Variants in TMOD3 observed in about 807,000 individuals in gnomAD.
TMOD3 encodes the protein tropomodulin-3.
Under a neutral mutation model 39.2 loss-of-function variants are expected in TMOD3, and 20 were observed. The ratio of observed to expected loss-of-function variants is 0.51; its 90% confidence interval spans 0.36 to 0.74. TMOD3 has a LOEUF of 0.74. Ranked by LOEUF, TMOD3 falls within the 30% of genes least tolerant of loss-of-function variation. The pLI, the probability that TMOD3 is intolerant of heterozygous loss-of-function variation, is 0.00. For missense variants in TMOD3, 381 were observed against 412.8 expected (o/e 0.92, Z 0.67); for synonymous variants, 143 against 145.8 (o/e 0.98, Z 0.14).
intron 2 of TMOD3, among the ~76,000 whole-genome samples, chr15:51,868,808 C>T (rs1011711063): frequency 1.3e-5 from 2 of 152,086 alleles, no homozygotes; most frequent in Non-Finnish European, 2.9e-5. Context: ...CCCATCTCTA[C>T]CCAAAACGCA....
intron 1 of TMOD3, among the ~76,000 whole-genome samples, chr15:51,836,270 T>TA (rs1349962245): frequency 4.6e-5 from 7 of 152,130 alleles, no homozygotes; most frequent in Non-Finnish European, 1.0e-4. Context: ...ATAAACCCCT[T>TA]ACCATTAGCA....
intron 7 of TMOD3, among the ~76,000 whole-genome samples, chr15:51,898,583 A>G (rs1297906028): frequency 2.0e-5 from 3 of 152,238 alleles, no homozygotes; most frequent in African/African-American, 7.2e-5. Flanking sequence ...ATTCGAATAC[A>G]TGTATGGATA....
chr15:51,849,903 C>G (rs1033264255), intron 1 of TMOD3, among the ~76,000 whole-genome samples: 1 of 151,110 alleles, frequency 6.6e-6, no homozygotes, highest in African/African-American at 2.4e-5. Flanking sequence ...CACTGCATGT[C>G]AGCCTGGGTG....
Position 51,841,948 on chromosome 15 carries a change from G to A in TMOD3, c.-75+12112G>A, listed in dbSNP as rs140530186. On this transcript the variant is annotated intron_variant, in intron 1 of 9. Transcript: ENST00000308580. ...CCACGCCTGGCTAATTTTTTTTTAT[G>A]TACTTGTAGTAGAGATGGGGTTTCA... Among the ~76,000 whole-genome samples the A allele has an allele frequency of 5.1e-3, 781 of 151,774 alleles. 6 individuals carry two copies. The highest frequency in any genetic ancestry group is 0.01 in the Middle Eastern group (3 of 294).
intron 1 of TMOD3, among the ~76,000 whole-genome samples, chr15:51,832,204 T>TATATATATATATATATATATATATATAC (rs2056259351): frequency 2.4e-5 from 1 of 41,360 alleles, no homozygotes; most frequent in East Asian, 5.2e-4. Flanking sequence ...GAAAAAAAAT[T>TATATATATATATATATATATATATATAC]ATATATATAT....
At position 51,900,252 on chromosome 15, in the gene TMOD3, C is replaced by T. The variant is rs746856695; in HGVS notation, c.833C>T (p.Ala278Val). Reference protein sequence around the residue: ...TGVGILALIDALRDNETLAEL... With the variant: ...TGVGILALIDVLRDNETLAEL... Reference sequence around the variant, plus strand: ...GTTGGGATTCTGGCACTGATTGATGCGTTAAGAGATAATGAAACCCTGGCA... The same window carrying T: ...GTTGGGATTCTGGCACTGATTGATGTGTTAAGAGATAATGAAACCCTGGCA... The change falls in exon 8 of 10, where the codon GCG (alanine) becomes GTG (valine). Residue 278 changes from alanine to valine, a missense_variant. Coordinates refer to ENST00000308580, the MANE Select transcript of TMOD3 (RefSeq NM_014547.5). The T allele has an allele frequency of 5.0e-6, 8 of 1,613,946 alleles. No individual in the cohort carries two copies. Among genetic ancestry groups the T allele is most frequent in the African/African-American group, 4.0e-5 (3 of 74,872 alleles).
intron 1 of TMOD3, among the ~76,000 whole-genome samples, chr15:51,849,181 G>A (rs565710522): frequency 2.0e-5 from 3 of 152,246 alleles, no homozygotes; most frequent in African/African-American, 4.8e-5. Context: ...TGTGGAGTGC[G>A]AGAGAAATCA....
intron 1 of TMOD3, chr15:51,860,953 C>A: frequency 2.0e-6 from 1 of 490,808 alleles, no homozygotes; most frequent in Non-Finnish European, 4.0e-6. Context: ...AAACAAAAAC[C>A]TACATAGGAG....
rs1198300468 is a variant in TMOD3 at position 51,869,306 on chromosome 15, T to C, written c.216T>C (p.Tyr72=). ...GPFDREHLLS[Y]LEKEALEHKD... ...TTGATAGAGAGCATCTCCTTTCATA[T>C]CTGGAGAAAGAAGCATTGGAGCATA... Residue 72 remains tyrosine (Y), a synonymous_variant, in exon 3 of 10, where the codon TAT becomes TAC. Coordinates refer to ENST00000308580, the MANE Select transcript of TMOD3 (RefSeq NM_014547.5). 6.2e-7 allele frequency: 1 copy of C among 1,614,066 alleles called. No homozygotes were observed. The highest frequency in any genetic ancestry group is 2.2e-5 in the East Asian group (1 of 44,872).
intron 1 of TMOD3, among the ~76,000 whole-genome samples, chr15:51,841,214 C>T (rs1414551479): frequency 6.6e-6 from 1 of 152,192 alleles, no homozygotes; most frequent in African/African-American, 2.4e-5. Context: ...TTCTTTTTCA[C>T]TTCATTATAA....
rs528215214 is a variant in TMOD3, at chr15:51,910,750, T to G, written c.*1940T>G. The G allele has an allele frequency of 3.3e-5, 5 of 152,110 alleles. No individual in the cohort carries two copies. The highest frequency in any genetic ancestry group is 1.9e-4 in the East Asian group (1 of 5,176). 9.4% of individuals were successfully genotyped at this position (152,110 alleles called of 1,614,324 possible). A position where few individuals can be genotyped will look rare whatever the true frequency, so the allele number is the denominator to read the frequency against. On this transcript the variant is annotated 3_prime_UTR_variant, in exon 10 of 10. Transcript: ENST00000308580. ...GAACTGTGGTGTTTCTCTTTTTTTT[T>G]TTTTGTTTTGGTTTGTTTTGGTTTT...
At chr15:51,841,679 C>T (rs1213638563) in intron 1 of TMOD3, among the ~76,000 whole-genome samples, 1 of 152,218 alleles carries the variant, frequency 6.6e-6, no homozygotes, top group Non-Finnish European at 1.5e-5. Flanking sequence ...CTGCCTCCAC[C>T]CACTCCCATT....
chr15:51,870,118 T>C (rs2056467757), intron 3 of TMOD3, among the ~76,000 whole-genome samples: 1 of 152,168 alleles, frequency 6.6e-6, no homozygotes, highest in Admixed American at 6.5e-5. Context: ...TTTGTATTTT[T>C]AGTAGAGATG....
At chr15:51,863,526 C>T (rs552331467) in intron 2 of TMOD3, among the ~76,000 whole-genome samples, 49 of 152,330 alleles carry the variant, frequency 3.2e-4, no homozygotes, top group Admixed American at 2.0e-4. Context: ...GTGGAGCAGA[C>T]ATGAATATAT....
intron 1 of TMOD3, among the ~76,000 whole-genome samples, chr15:51,838,152 C>T (rs2056295768): frequency 6.6e-6 from 1 of 152,106 alleles, no homozygotes; most frequent in Non-Finnish European, 1.5e-5. Context: ...TGGATTCCCT[C>T]CCAGCTCCAA....
chr15:51,901,572 A>AGTGTGTGTGTGTGTGTGTGTGT (rs57976840), intron 8 of TMOD3: 6 of 184,806 alleles, frequency 3.2e-5, no homozygotes, highest in South Asian at 2.4e-4. Context: ...TAAAAAGTTT[A>AGTGTGTGTGTGTGTGTGTGTGT]GTGTGTGTGT....
intron 3 of TMOD3, among the ~76,000 whole-genome samples, chr15:51,871,997 TTAA>T (rs1431478702): frequency 1.3e-5 from 2 of 152,206 alleles, no homozygotes; most frequent in African/African-American, 2.4e-5. Context: ...TAGCTTTTTT[TTAA>T]TAATGAACTT....
chr15:51,858,435 A>G (rs941853072), intron 1 of TMOD3: 2 of 152,166 alleles, frequency 1.3e-5, no homozygotes, highest in Non-Finnish European at 2.9e-5. Context: ...GCTAAAAAAA[A>G]AAAAAAAATT....
chr15:51,896,507 G>A lies in TMOD3; in HGVS notation c.716G>A (p.Ser239Asn). The change falls in exon 7 of 10, where the codon AGC becomes AAC. Residue 239 changes from serine (S) to asparagine (N), a missense_variant. Transcript: ENST00000308580. The stretch of plus-strand genomic sequence containing the variant: ...TGTTTCAGTCTTGCAGCCACCCGGA[G>A]CAATGACCCTGTTGCTACTGTAAGT... ...VKCFSLAATR[S>N]NDPVATAFAE... is the part of the protein sequence containing the mutation. 1 of 1,613,824 alleles carries A rather than the reference G, an allele frequency of 6.2e-7. No homozygotes were observed. Among genetic ancestry groups the A allele is most frequent in the Non-Finnish European group, 8.5e-7 (1 of 1,179,802 alleles).
Sources: allele counts gnomAD v4.1 joint callset (sites outside exome capture counted in the v4.1 genomes callset), GRCh38; gene constraint gnomAD v4.1.1; transcripts MANE v1.5; gene names NCBI Gene and HGNC (gene_info 2026-07-23, HGNC 2026-07-21).